The following UBE2E2 variants were observed in gnomAD, a reference collection of about 807,000 sequenced individuals.
The protein encoded by UBE2E2 is ubiquitin-conjugating enzyme E2 E2.
In UBE2E2, 6 loss-of-function variants were observed where a neutral mutation model predicts 24.7. The observed-to-expected ratio is 0.24, with a 90% CI of 0.13 to 0.48. The LOEUF is 0.48. UBE2E2 is among the 20% of genes least tolerant of loss of function. The pLI, the probability that UBE2E2 is intolerant of heterozygous loss-of-function variation, is 0.99. For synonymous variants in UBE2E2, 104 were observed against 83.6 expected (o/e 1.24, Z -1.33); for missense variants, 169 against 245.0 (o/e 0.69, Z 2.07).
At chr3:23,207,605 A>G (rs915687700) in intron 1 of UBE2E2, among the ~76,000 whole-genome samples, 2 of 152,200 alleles carry the variant, frequency 1.3e-5, no homozygotes, top group Non-Finnish European at 2.9e-5. Context: ...GGAGAATTTT[A>G]ACCTTAGCCC....
chr3:23,446,690 G>A (rs543654975), intron 3 of UBE2E2, among the ~76,000 whole-genome samples: 18 of 132,686 alleles, frequency 1.4e-4, no homozygotes, highest in Middle Eastern at 4.3e-3. Flanking sequence ...TTCATTATCC[G>A]TCTGTTTGGT....
At chr3:23,418,956 CTT>C (rs11399749) in intron 3 of UBE2E2, among the ~76,000 whole-genome samples, 24 of 141,328 alleles carry the variant, frequency 1.7e-4, no homozygotes, top group Admixed American at 1.4e-4. Flanking sequence ...ACAAATGTTA[CTT>C]TTTTTTTTTT....
chr3:23,397,617 C>T (rs1398507529), intron 3 of UBE2E2, among the ~76,000 whole-genome samples: 1 of 152,174 alleles, frequency 6.6e-6, no homozygotes, highest in Non-Finnish European at 1.5e-5. Flanking sequence ...CATCTCAATA[C>T]ATGGGATCAT....
At chr3:23,208,110 A>G (rs1696201076) in intron 1 of UBE2E2, among the ~76,000 whole-genome samples, 1 of 151,376 alleles carries the variant, frequency 6.6e-6, no homozygotes, top group Admixed American at 6.6e-5. Flanking sequence ...TCATATTTTT[A>G]TTTTTTGTAG....
chr3:23,344,578 A>T (rs1220811088), intron 3 of UBE2E2, among the ~76,000 whole-genome samples: 1 of 152,060 alleles, frequency 6.6e-6, no homozygotes, highest in African/African-American at 2.4e-5. Context: ...ATGAATGAAG[A>T]TATTAAGAAT....
In UBE2E2 at chr3:23,345,681, A is replaced by T. The variant is rs115698093; in HGVS notation, c.227+128369A>T. On this transcript the variant is annotated intron_variant, in intron 3 of 5. Coordinates refer to ENST00000396703, the MANE Select transcript of UBE2E2 (RefSeq NM_152653.4). ...AGTTATAGACATTAAATTACAGACA[A>T]TAAAATTATAGAAGCACTAAATAGA... 4.4e-3 allele frequency among the ~76,000 whole-genome samples: 665 copies of T among 152,328 alleles called. 8 individuals are homozygous for T. The highest frequency in any genetic ancestry group is 0.016 in the African/African-American group (652 of 41,590).
intron 5 of UBE2E2, among the ~76,000 whole-genome samples, chr3:23,578,571 A>G (rs756758055): frequency 3.9e-5 from 6 of 152,252 alleles, no homozygotes; most frequent in Admixed American, 1.3e-4. Context: ...AATGTGATAC[A>G]TACACACCAT....
At chr3:23,561,866 C>T (rs200451249) in intron 5 of UBE2E2, among the ~76,000 whole-genome samples, 1 of 151,550 alleles carries the variant, frequency 6.6e-6, no homozygotes, top group Non-Finnish European at 1.5e-5. Flanking sequence ...TGATTTGGCT[C>T]TCTGTCTGTT....
rs1365103527 is a variant in UBE2E2 at position 23,246,448 on chromosome 3, G to A, written c.227+29136G>A. Among the ~76,000 whole-genome samples, 3 of 146,414 alleles carry A rather than the reference G, an allele frequency of 2.0e-5. No homozygotes were observed. In the East Asian group the frequency reaches 6.0e-4, roughly 30 times the overall value. On this transcript the variant is annotated intron_variant, in intron 3 of 5. Transcript: ENST00000396703. Reference sequence around the variant, plus strand: ...CACGGGGTTTCAGTATGTTGGCCAGGATGGTCTTGATCTCCTGACCTCATG... The same window carrying A: ...CACGGGGTTTCAGTATGTTGGCCAGAATGGTCTTGATCTCCTGACCTCATG...
At chr3:23,443,780 C>T (rs989321567) in intron 3 of UBE2E2, among the ~76,000 whole-genome samples, 1 of 152,180 alleles carries the variant, frequency 6.6e-6, no homozygotes, top group Non-Finnish European at 1.5e-5. Flanking sequence ...ACCCCTTTAA[C>T]CACTGAGATC....
At chr3:23,515,219 G>T (rs1388809453) in intron 4 of UBE2E2, among the ~76,000 whole-genome samples, 1 of 151,816 alleles carries the variant, frequency 6.6e-6, no homozygotes, top group Non-Finnish European at 1.5e-5. Context: ...GATTTAGCAA[G>T]CTGTTAACAG....
At chr3:23,437,874 A>G (rs1245977975) in intron 3 of UBE2E2, among the ~76,000 whole-genome samples, 2 of 152,238 alleles carry the variant, frequency 1.3e-5, no homozygotes, top group African/African-American at 2.4e-5. Flanking sequence ...TTTGATTAAC[A>G]TGAGAAAAAC....
rs74922504 is a variant in UBE2E2, at chr3:23,344,653, A to G, written c.227+127341A>G. On this transcript the variant is annotated intron_variant, in intron 3 of 5. Coordinates refer to ENST00000396703, the MANE Select transcript of UBE2E2 (RefSeq NM_152653.4). Reference sequence around the variant, plus strand: ...TGGATTGCTTGAGGCCAGGAGATTGAAACTAGCCTGGGCAACATAGTGAGA... The same window carrying G: ...TGGATTGCTTGAGGCCAGGAGATTGGAACTAGCCTGGGCAACATAGTGAGA... 6.5e-4 allele frequency among the ~76,000 whole-genome samples: 99 copies of G among 152,028 alleles called. 5 individuals are homozygous for G. In the East Asian group the frequency reaches 0.016, roughly 24 times the overall value.
At chr3:23,390,887 A>G (rs1290085189) in intron 3 of UBE2E2, among the ~76,000 whole-genome samples, 1 of 152,198 alleles carries the variant, frequency 6.6e-6, no homozygotes, top group Non-Finnish European at 1.5e-5. Flanking sequence ...TTTGGCGTTC[A>G]TGCTTACCTA....
chr3:23,456,601 A>G (rs929966850), intron 3 of UBE2E2, among the ~76,000 whole-genome samples: 2 of 152,230 alleles, frequency 1.3e-5, no homozygotes, highest in African/African-American at 4.8e-5. Context: ...GTGCATTGTC[A>G]GTGAGCAGTA....
chr3:23,499,585 T>A (rs1322897932), intron 3 of UBE2E2, 23 bp from the exon 4 acceptor site: 1 of 1,599,774 alleles, frequency 6.3e-7, no homozygotes, highest in East Asian at 2.2e-5. Context: ...CTAAGCACAT[T>A]TCATTTGTAT....
chr3:23,473,976 C>T (rs924724040), intron 3 of UBE2E2, among the ~76,000 whole-genome samples: 3 of 152,058 alleles, frequency 2.0e-5, no homozygotes, highest in Non-Finnish European at 4.4e-5. Flanking sequence ...TAAGGAACCT[C>T]CACACATTTC....
intron 5 of UBE2E2, among the ~76,000 whole-genome samples, chr3:23,563,311 C>G (rs1218669777): frequency 1.3e-5 from 2 of 152,072 alleles, no homozygotes; most frequent in African/African-American, 2.4e-5. Context: ...TTATTTCTGC[C>G]TTCATTTTGT....
chr3:23,525,884 T>C (rs1257583327), intron 4 of UBE2E2, among the ~76,000 whole-genome samples: 1 of 152,232 alleles, frequency 6.6e-6, no homozygotes. Context: ...GCCTCTAAAC[T>C]TCTCCTTCTG....
Sources: allele counts gnomAD v4.1 joint callset (sites outside exome capture counted in the v4.1 genomes callset), GRCh38; gene constraint gnomAD v4.1.1; transcripts MANE v1.5; gene names NCBI Gene and HGNC (gene_info 2026-07-23, HGNC 2026-07-21).